LRRC20: variants seen among roughly 807,000 people sequenced by gnomAD.
LRRC20 encodes the protein leucine rich repeat containing 20.
LRRC20 carries 11 observed loss-of-function variants against 14.4 expected under a neutral mutation model. That is an observed-to-expected ratio of 0.77 (90% CI 0.48 to 1.27). The LOEUF (loss-of-function observed/expected upper bound fraction) is 1.27. Ranked by LOEUF, LRRC20 falls within the 50% of genes most tolerant of loss-of-function variation. The probability of loss-of-function intolerance (pLI) is 0.00; values close to 1 mark genes in which losing one functional copy is unlikely to be tolerated. For synonymous variants in LRRC20, 121 were observed against 107.3 expected, an observed-to-expected ratio of 1.13 and a Z score of -0.79; for missense variants, 219 against 251.2, an observed-to-expected ratio of 0.87 and a Z score of 0.87.
At chr10:70,377,244 G>A (rs1488681282) in intron 1 of LRRC20, among the ~76,000 whole-genome samples, 1 of 152,232 alleles carries the variant, frequency 6.6e-6, no homozygotes, top group Non-Finnish European at 1.5e-5. Flanking sequence ...GCCTGATGCT[G>A]AGTTTATCTG....
chr10:70,329,988 T>G (rs2136975074), intron 3 of LRRC20, among the ~76,000 whole-genome samples: 1 of 152,368 alleles, frequency 6.6e-6, no homozygotes, highest in Middle Eastern at 3.4e-3. Flanking sequence ...ATTGCCGAAT[T>G]TGACTGGTAA....
intron 2 of LRRC20, among the ~76,000 whole-genome samples, chr10:70,367,751 G>A (rs540367921): frequency 2.0e-5 from 3 of 152,080 alleles, no homozygotes; most frequent in African/African-American, 7.2e-5. Flanking sequence ...TCTGAGTCTT[G>A]TTGTGGTTGG....
chr10:70,304,144 G>A (rs954661290), intron 4 of LRRC20, among the ~76,000 whole-genome samples: 15 of 151,888 alleles, frequency 9.9e-5, no homozygotes, highest in African/African-American at 3.6e-4. Context: ...GCTTGCCCTC[G>A]ACGCGTGCCC....
chr10:70,340,598 T>C lies in LRRC20; in HGVS notation c.187A>G (p.Lys63Glu). The stretch of plus-strand genomic sequence containing the variant: ...GTCATGAACTTGCTGGTGAGGGACT[T>C]AAGCTCGTTGTTAGCCAGGGTGATG... ...HLITLANNEL[K>E]SLTSKFMTTF... The change falls in exon 3 of 5, where the codon AAG becomes GAG. Residue 63 changes from lysine (K) to glutamate (E), a missense_variant. Physicochemically the swap from Lys to Glu is moderately conservative, Grantham distance 56. Transcript: ENST00000446961. 6.2e-7 allele frequency: 1 copy of C among 1,614,184 alleles called. No homozygotes were observed. Among genetic ancestry groups the C allele is most frequent in the East Asian group, 2.2e-5 (1 of 44,894 alleles).
At chr10:70,314,678 G>A (rs934748627) in intron 4 of LRRC20, among the ~76,000 whole-genome samples, 9 of 152,036 alleles carry the variant, frequency 5.9e-5, no homozygotes, top group Non-Finnish European at 1.0e-4. Flanking sequence ...GATAGTTTGA[G>A]CATCGCTGGT....
intron 2 of LRRC20, among the ~76,000 whole-genome samples, chr10:70,360,839 G>C (rs1843692552): frequency 6.6e-6 from 1 of 152,166 alleles, no homozygotes; most frequent in Non-Finnish European, 1.5e-5. Context: ...GCAGGGCAGA[G>C]AGCTCCCAGA....
At chr10:70,335,443 C>T (rs1842698766) in intron 3 of LRRC20, among the ~76,000 whole-genome samples, 1 of 152,246 alleles carries the variant, frequency 6.6e-6, no homozygotes, top group South Asian at 2.1e-4. Flanking sequence ...CTCCCCTGCC[C>T]TGCAGCAGCC....
At chr10:70,346,830 C>T (rs767657135) in intron 2 of LRRC20, among the ~76,000 whole-genome samples, 4 of 152,180 alleles carry the variant, frequency 2.6e-5, no homozygotes, top group Admixed American at 1.3e-4. Flanking sequence ...AAACCATTTG[C>T]CAAGTATCTG....
At chr10:70,354,148 T>A (rs76330747) in intron 2 of LRRC20, among the ~76,000 whole-genome samples, 3 of 152,154 alleles carry the variant, frequency 2.0e-5, no homozygotes, top group Non-Finnish European at 2.9e-5. Context: ...GGGAGCTCTA[T>A]AGACTCTTGA....
At chr10:70,304,470 T>TTATATAGATATAGATATATAGA (rs1554835659) in intron 4 of LRRC20, among the ~76,000 whole-genome samples, 1 of 113,826 alleles carries the variant, frequency 8.8e-6, no homozygotes, top group African/African-American at 3.0e-5. Flanking sequence ...GGCCACTTCT[T>TTATATAGATATAGATATATAGA]TATATATATA....
intron 3 of LRRC20, among the ~76,000 whole-genome samples, chr10:70,334,381 C>T (rs1164097395): frequency 6.6e-6 from 1 of 152,144 alleles, no homozygotes; most frequent in African/African-American, 2.4e-5. Flanking sequence ...AGGAACAGCA[C>T]ACTGTGACCC....
At chr10:70,358,494 A>G (rs140665321) in intron 2 of LRRC20, among the ~76,000 whole-genome samples, 1,586 of 152,294 alleles carry the variant, frequency 0.01, 23 homozygotes, top group South Asian at 0.056. Context: ...GCTTCTCAGA[A>G]CAGTTGTTTG....
At position 70,338,519 on chromosome 10, in the gene LRRC20, G is replaced by C. The variant is rs377020346; in HGVS notation, c.232+2034C>G. ...TTTCATGGGGAGACCACATTCTGTG[G>C]ATCCATTTCCCAGTTGATAGACATT... is the stretch of plus-strand genomic sequence containing the variant. On this transcript the variant is annotated intron_variant, in intron 3 of 4. Coordinates refer to ENST00000446961, the MANE Select transcript of LRRC20 (RefSeq NM_001278212.2). 1.8e-4 allele frequency among the ~76,000 whole-genome samples: 28 copies of C among 152,266 alleles called. No individual in the cohort carries two copies. The East Asian group carries it at 4.8e-3, about 26-fold the overall frequency.
chr10:70,357,814 T>C (rs1274537809), intron 2 of LRRC20, among the ~76,000 whole-genome samples: 1 of 152,124 alleles, frequency 6.6e-6, no homozygotes, highest in Non-Finnish European at 1.5e-5. Context: ...ATCACAAACG[T>C]ATACATACAA....
intron 2 of LRRC20, among the ~76,000 whole-genome samples, chr10:70,344,324 G>A (rs1843007002): frequency 6.6e-6 from 1 of 152,172 alleles, no homozygotes; most frequent in Admixed American, 6.5e-5. Context: ...TGAAATGACT[G>A]TATAACCTCA....
intron 2 of LRRC20, among the ~76,000 whole-genome samples, chr10:70,351,242 A>T (rs1843295160): frequency 6.6e-6 from 1 of 152,154 alleles, no homozygotes; most frequent in East Asian, 1.9e-4. Context: ...CCTCCCCCAG[A>T]TATTCTACCT....
Position 70,372,940 on chromosome 10 carries a change from TAA to T in LRRC20, c.82+3510_82+3511del, listed in dbSNP as rs11356425. 2.8e-3 allele frequency among the ~76,000 whole-genome samples: 388 copies of T among 137,398 alleles called. 2 individuals are homozygous for T. Among genetic ancestry groups the T allele is most frequent in the Admixed American group, 2.8e-3 (39 of 13,810 alleles). The allele number at this position is 137,398 out of a possible 152,430, so 90.1% of individuals were successfully genotyped here. ...CAACATGGCAAAACCCCATCTCTAC[TAA>T]AAAAAAAAAAAAAATAGAAAAATAA... On this transcript the variant is annotated intron_variant, in intron 2 of 4. Coordinates refer to ENST00000446961, the MANE Select transcript of LRRC20 (RefSeq NM_001278212.2).
At chr10:70,366,686 TAATA>T (rs1397398735) in intron 2 of LRRC20, among the ~76,000 whole-genome samples, 1 of 152,130 alleles carries the variant, frequency 6.6e-6, no homozygotes, top group Non-Finnish European at 1.5e-5. Context: ...AACATATACT[TAATA>T]TATAGAGTTG....
intron 3 of LRRC20, among the ~76,000 whole-genome samples, chr10:70,326,285 A>C (rs1589068175): frequency 8.2e-5 from 9 of 109,340 alleles, no homozygotes; most frequent in African/African-American, 1.8e-4. Context: ...CCCCCTTCCC[A>C]GCGCCTCTGT....
Sources: allele counts gnomAD v4.1 joint callset (sites outside exome capture counted in the v4.1 genomes callset), GRCh38; gene constraint gnomAD v4.1.1; transcripts MANE v1.5; gene names NCBI Gene and HGNC (gene_info 2026-07-23, HGNC 2026-07-21).